The following RALGAPA2 variants were observed in gnomAD, a reference collection of about 807,000 sequenced individuals.
RALGAPA2 encodes the protein ral GTPase-activating protein subunit alpha-2.
RALGAPA2 carries 139 observed loss-of-function variants against 230.4 expected under a neutral mutation model. The observed-to-expected ratio is 0.60, with a 90% CI of 0.53 to 0.69. The LOEUF (loss-of-function observed/expected upper bound fraction) is 0.69, where lower values mean the gene tolerates loss of function less well. RALGAPA2 is among the 30% of genes least tolerant of loss of function. RALGAPA2 has a pLI of 0.00. For synonymous variants in RALGAPA2, 847 were observed against 837.8 expected (o/e 1.01, Z -0.19); for missense variants, 2,163 against 2,276.0 (o/e 0.95, Z 1.01).
At chr20:20,445,654 A>C (rs1005869961) in intron 37 of RALGAPA2, among the ~76,000 whole-genome samples, 3 of 152,256 alleles carry the variant, frequency 2.0e-5, no homozygotes, top group African/African-American at 4.8e-5. Context: ...CATAGCCTCC[A>C]AACAGTACTT....
At chr20:20,695,296 T>C (rs1370879861) in intron 1 of RALGAPA2, among the ~76,000 whole-genome samples, 1 of 152,248 alleles carries the variant, frequency 6.6e-6, no homozygotes, top group Admixed American at 6.5e-5. Flanking sequence ...TTTGCTGTTT[T>C]TGTGTTTCTC....
Position 20,496,453 on chromosome 20 carries a change from A to G in RALGAPA2, c.5209-1178T>C, listed in dbSNP as rs116493059. ...CCAAAATTGAAGTTCTGAAACCACA[A>G]AAGCTGGTAAGGCCCTCTGACATCT... On this transcript the variant is annotated intron_variant, in intron 35 of 39. Coordinates refer to ENST00000202677, the MANE Select transcript of RALGAPA2 (RefSeq NM_020343.4). Among the ~76,000 whole-genome samples, 805 of 152,292 alleles carry G rather than the reference A, an allele frequency of 5.3e-3. 7 individuals are homozygous for G. The highest frequency in any genetic ancestry group is 0.018 in the African/African-American group (768 of 41,548).
intron 37 of RALGAPA2, among the ~76,000 whole-genome samples, chr20:20,454,822 G>T (rs1321434342): frequency 6.6e-6 from 1 of 152,176 alleles, no homozygotes; most frequent in Non-Finnish European, 1.5e-5. Flanking sequence ...GAGTAAGAAT[G>T]CTCTTCAGTT....
At position 20,570,671 on chromosome 20, in the gene RALGAPA2, T is replaced by C. The variant is rs548507954; in HGVS notation, c.3156+787A>G. Among the ~76,000 whole-genome samples the C allele has an allele frequency of 7.2e-5, 11 of 152,332 alleles. No individual in the cohort carries two copies. The South Asian group carries it at 1.9e-3, about 26-fold the overall frequency. On this transcript the variant is annotated intron_variant, in intron 23 of 39. Transcript: ENST00000202677. ...AAAATCTGTATTAAACACTTCCTAATTGTTCTCCATCTACAGGCCAATCTC... is the reference window on the plus strand; with the variant it reads ...AAAATCTGTATTAAACACTTCCTAACTGTTCTCCATCTACAGGCCAATCTC...
Position 20,393,130 on chromosome 20 carries a change from C to G in RALGAPA2, c.*159G>C, listed in dbSNP as rs1034115762. The G allele has an allele frequency of 7.3e-7, 1 of 1,360,598 alleles. No homozygotes were observed. The highest frequency in any genetic ancestry group is 9.8e-7 in the Non-Finnish European group (1 of 1,019,304). The allele number at this position is 1,360,598 out of a possible 1,614,324, so 84.3% of individuals were successfully genotyped here. A position where few individuals can be genotyped will look rare whatever the true frequency, so the allele number is the denominator to read the frequency against. On this transcript the variant is annotated 3_prime_UTR_variant, in exon 40 of 40. Coordinates refer to ENST00000202677, the MANE Select transcript of RALGAPA2 (RefSeq NM_020343.4). The stretch of plus-strand genomic sequence containing the variant: ...GGAAGACCTGCTGAGGGCACTAGTA[C>G]AGCAACGAAATTTCCTGGAGATTCT...
chr20:20,620,713 C>T, intron 10 of RALGAPA2, 83 bp from the exon 11 acceptor site: 1 of 1,187,468 alleles, frequency 8.4e-7, no homozygotes, highest in Non-Finnish European at 1.1e-6. Flanking sequence ...TCCCAATGAG[C>T]ATCACCCATT....
chr20:20,556,560 T>G (rs1345871906), intron 23 of RALGAPA2, among the ~76,000 whole-genome samples: 1 of 152,222 alleles, frequency 6.6e-6, no homozygotes, highest in East Asian at 1.9e-4. Context: ...CATTACAGTT[T>G]GTACAACAGG....
intron 3 of RALGAPA2, among the ~76,000 whole-genome samples, chr20:20,662,881 G>A (rs1227044209): frequency 6.6e-6 from 1 of 152,218 alleles, no homozygotes; most frequent in Non-Finnish European, 1.5e-5. Flanking sequence ...ACAGGGGTGA[G>A]CCAGGCAAGG....
chr20:20,580,478 G>A (rs1162533693), intron 20 of RALGAPA2, among the ~76,000 whole-genome samples: 3 of 152,110 alleles, frequency 2.0e-5, no homozygotes, highest in East Asian at 3.9e-4. Flanking sequence ...GAAACAGCCC[G>A]TATGCTCCAG....
At chr20:20,552,715 T>C (rs568831529) in intron 23 of RALGAPA2, among the ~76,000 whole-genome samples, 22 of 152,274 alleles carry the variant, frequency 1.4e-4, no homozygotes, top group African/African-American at 5.3e-4. Flanking sequence ...TTTTTAAGTA[T>C]TAGTTATTGC....
At chr20:20,433,248 G>A (rs533219282) in intron 37 of RALGAPA2, among the ~76,000 whole-genome samples, 1 of 152,268 alleles carries the variant, frequency 6.6e-6, no homozygotes, top group South Asian at 2.1e-4. Flanking sequence ...AGAAATTAAG[G>A]CTCCGAGTTC....
intron 36 of RALGAPA2, among the ~76,000 whole-genome samples, chr20:20,491,239 AT>A (rs1049577721): frequency 6.6e-6 from 1 of 151,944 alleles, no homozygotes; most frequent in South Asian, 2.1e-4. Context: ...AATCACTATC[AT>A]TTTTTTCTCC....
intron 37 of RALGAPA2, among the ~76,000 whole-genome samples, chr20:20,416,967 T>C (rs1275121480): frequency 3.3e-5 from 5 of 152,206 alleles, no homozygotes; most frequent in African/African-American, 1.2e-4. Flanking sequence ...CCACCTCAGT[T>C]TTCTTTCTGA....
intron 3 of RALGAPA2, among the ~76,000 whole-genome samples, chr20:20,661,405 C>T (rs897837258): frequency 1.8e-4 from 27 of 152,146 alleles, no homozygotes; most frequent in African/African-American, 6.5e-4. Context: ...AGTAATCTGC[C>T]CACCTCGGCC....
intron 1 of RALGAPA2, among the ~76,000 whole-genome samples, chr20:20,688,170 C>T (rs1214788430): frequency 1.3e-5 from 2 of 152,004 alleles, no homozygotes; most frequent in African/African-American, 4.8e-5. Flanking sequence ...GAGAAATTCA[C>T]ATCTGAAAAA....
At position 20,564,777 on chromosome 20, in the gene RALGAPA2, C is replaced by A. The variant is rs966629491; in HGVS notation, c.3156+6681G>T. Among the ~76,000 whole-genome samples, 3 of 152,208 alleles carry A rather than the reference C, an allele frequency of 2.0e-5. 1 individual carries two copies. In the South Asian group the frequency reaches 6.2e-4, roughly 31 times the overall value. On this transcript the variant is annotated intron_variant, in intron 23 of 39. Coordinates refer to ENST00000202677, the MANE Select transcript of RALGAPA2 (RefSeq NM_020343.4). Reference sequence around the variant, plus strand: ...TAGTTCCCAGTATCAGGCCTGCCATCCATGAGAGTCATATGTTATTCTTGA... The same window carrying A: ...TAGTTCCCAGTATCAGGCCTGCCATACATGAGAGTCATATGTTATTCTTGA...
chr20:20,595,489 G>A (rs2065423410), intron 16 of RALGAPA2, among the ~76,000 whole-genome samples: 1 of 152,174 alleles, frequency 6.6e-6, no homozygotes, highest in Non-Finnish European at 1.5e-5. Context: ...CAAACCAGAT[G>A]CAGAAGCAGC....
chr20:20,678,885 G>C (rs2068428006), intron 2 of RALGAPA2, among the ~76,000 whole-genome samples: 1 of 151,902 alleles, frequency 6.6e-6, no homozygotes, highest in African/African-American at 2.4e-5. Flanking sequence ...TTACTCCCCA[G>C]CCCAGCTGCA....
intron 3 of RALGAPA2, among the ~76,000 whole-genome samples, chr20:20,663,407 T>G (rs2067848633): frequency 6.6e-6 from 1 of 152,176 alleles, no homozygotes; most frequent in Admixed American, 6.5e-5. Flanking sequence ...AATTTCTTTT[T>G]CCTTCTTCAC....
Sources: gnomAD v4.1 joint callset for allele counts (sites outside exome capture counted in the v4.1 genomes callset) on GRCh38, gnomAD v4.1.1 for gene constraint, MANE v1.5 for transcripts, NCBI Gene and HGNC (gene_info 2026-07-23, HGNC 2026-07-21) for gene names.